ACAD9: variants seen among roughly 807,000 people sequenced by gnomAD.
ACAD9 encodes complex I assembly factor ACAD9, mitochondrial.
In ACAD9, 53 loss-of-function variants were observed where a neutral mutation model predicts 70.2. That is an observed-to-expected ratio of 0.75 (90% CI 0.61 to 0.95). ACAD9 has a LOEUF of 0.95. Among genes scored for constraint, ACAD9 ranks in the 40% least tolerant of loss-of-function variants. The probability of loss-of-function intolerance (pLI) is 0.00; values close to 1 mark genes in which losing one functional copy is unlikely to be tolerated. For missense variants in ACAD9, 777 were observed against 802.8 expected (o/e 0.97, Z 0.39); for synonymous variants, 313 against 312.1 (o/e 1.00, Z -0.03).
At position 128,908,500 on chromosome 3, in the gene ACAD9, C is replaced by T. The variant is rs907924648; in HGVS notation, c.1358+236C>T. 18 of 603,204 alleles carry T rather than the reference C, an allele frequency of 3.0e-5. No homozygotes were observed. In the African/African-American group the frequency reaches 3.1e-4, roughly 11 times the overall value. 37.4% of individuals were successfully genotyped at this position (603,204 alleles called of 1,614,324 possible). ...ACAGCTTCAGCATAAATACCGTATC[C>T]CCCATCTGGTCCCTCACACTAGAGG... On this transcript the variant is annotated intron_variant, in intron 13 of 17. Transcript: ENST00000308982.
chr3:128,898,680 G>A (rs1034992776), intron 6 of ACAD9, among the ~76,000 whole-genome samples: 15 of 151,822 alleles, frequency 9.9e-5, no homozygotes, highest in African/African-American at 2.4e-5. Flanking sequence ...GATTACAGGC[G>A]TGAGCCACTG....
Position 128,899,269 on chromosome 3 carries a change from C to CCAT in ACAD9, c.634-16_634-14dup. 6.2e-7 allele frequency: 1 copy of CCAT among 1,614,022 alleles called. No homozygotes were observed. Among genetic ancestry groups the CCAT allele is most frequent in the Middle Eastern group, 1.6e-4 (1 of 6,062 alleles). ...ATAGGGGTTTGGTTTTCTCCAAAGT[C>CCAT]CATCTTTCTGTCCTCAGGTCTGGAT... On this transcript the variant is annotated splice_polypyrimidine_tract_variant and intron_variant, in intron 6 of 17. Transcript: ENST00000308982.
In ACAD9 at chr3:128,911,399, C is replaced by T. The variant is rs529588903; in HGVS notation, c.1765+586C>T. 1.8e-4 allele frequency among the ~76,000 whole-genome samples: 28 copies of T among 152,050 alleles called. No homozygotes were observed. In the East Asian group the frequency reaches 2.0e-3, roughly 11 times the overall value. ...GATTGAGCAAGTGCAGAGCCCTTTG[C>T]GCAGGACCCCTGGCATCTGCCCAGC... On this transcript the variant is annotated intron_variant, in intron 17 of 17. Coordinates refer to ENST00000308982, the MANE Select transcript of ACAD9 (RefSeq NM_014049.5).
Position 128,910,830 on chromosome 3 carries a change from G to A in ACAD9, c.1765+17G>A. 6.2e-7 allele frequency: 1 copy of A among 1,613,906 alleles called. No homozygotes were observed. Among genetic ancestry groups the A allele is most frequent in the Non-Finnish European group, 8.5e-7 (1 of 1,179,814 alleles). ...TGGACAAGTGTGAGTGGCATGTCTTGGGGGAGGGAAGGAAGGGCCCACTTC... is the reference window on the plus strand; with the variant it reads ...TGGACAAGTGTGAGTGGCATGTCTTAGGGGAGGGAAGGAAGGGCCCACTTC... On this transcript the variant is annotated intron_variant, in intron 17 of 17. Coordinates refer to ENST00000308982, the MANE Select transcript of ACAD9 (RefSeq NM_014049.5).
Position 128,903,899 on chromosome 3 carries a change from G to A in ACAD9, c.959-163G>A, listed in dbSNP as rs66521976. Among the ~76,000 whole-genome samples, 21,745 of 152,138 alleles carry A rather than the reference G, an allele frequency of 0.14. 1,623 individuals carry two copies. The highest frequency in any genetic ancestry group is 0.16 in the Middle Eastern group (48 of 294). The stretch of plus-strand genomic sequence containing the variant: ...GAGGGGTGGTTCTCCTCTGACCCAC[G>A]GGTGCTGGCAAGTGGGGGTGCCAGC... On this transcript the variant is annotated intron_variant, in intron 9 of 17. Coordinates refer to ENST00000308982, the MANE Select transcript of ACAD9 (RefSeq NM_014049.5).
chr3:128,888,096 T>G (rs1935305998), intron 2 of ACAD9, among the ~76,000 whole-genome samples: 1 of 152,194 alleles, frequency 6.6e-6, no homozygotes, highest in South Asian at 2.1e-4. Context: ...TTTGAGTGAC[T>G]TATATGCAAA....
At chr3:128,881,077 G>A (rs1029216076) in intron 1 of ACAD9, among the ~76,000 whole-genome samples, 10 of 152,212 alleles carry the variant, frequency 6.6e-5, no homozygotes, top group Non-Finnish European at 1.5e-4. Flanking sequence ...CTCTGAGGTT[G>A]TCAGGCTGAT....
intron 2 of ACAD9, among the ~76,000 whole-genome samples, chr3:128,893,108 G>C (rs959211596): frequency 2.6e-5 from 4 of 152,006 alleles, no homozygotes; most frequent in Admixed American, 6.6e-5. Flanking sequence ...TACTTTGCGA[G>C]GCTGTGGTGG....
At position 128,902,894 on chromosome 3, in the gene ACAD9, A is replaced by G. The variant is rs1359816254; in HGVS notation, c.958+266A>G. On this transcript the variant is annotated intron_variant, in intron 9 of 17. Coordinates refer to ENST00000308982, the MANE Select transcript of ACAD9 (RefSeq NM_014049.5). The surrounding 1 kb of genome is among the most constrained non-coding windows in gnomAD (Gnocchi z 4.0). ...CTTTCTGTCTGGGGTGGGGATGGGG[A>G]TTGGGGAATGGGCTGTCTGTCTGGA... Among the ~76,000 whole-genome samples the G allele has an allele frequency of 1.3e-5, 2 of 151,406 alleles. No homozygotes were observed. The highest frequency in any genetic ancestry group is 4.9e-5 in the African/African-American group (2 of 41,174).
intron 2 of ACAD9, among the ~76,000 whole-genome samples, chr3:128,890,702 A>G (rs1935395808): frequency 6.6e-6 from 1 of 152,110 alleles, no homozygotes; most frequent in Non-Finnish European, 1.5e-5. Flanking sequence ...ACTCCATCTC[A>G]AAAGAAACTG....
At chr3:128,887,215 G>T (rs1935276002) in intron 2 of ACAD9, among the ~76,000 whole-genome samples, 1 of 152,072 alleles carries the variant, frequency 6.6e-6, no homozygotes, top group Non-Finnish European at 1.5e-5. Context: ...CACCGCACCT[G>T]TCCTGACACG....
intron 2 of ACAD9, among the ~76,000 whole-genome samples, chr3:128,886,291 T>TG (rs1332301796): frequency 1.3e-5 from 2 of 151,692 alleles, no homozygotes; most frequent in Admixed American, 1.3e-4. Context: ...TTAGTAGAGA[T>TG]GGGGTTTCAC....
intron 9 of ACAD9, 128 bp from the exon 10 acceptor site, chr3:128,903,934 A>G (rs1935815892): frequency 2.1e-6 from 2 of 966,252 alleles, no homozygotes; most frequent in Non-Finnish European, 3.2e-6. Flanking sequence ...CTTCTGGGGT[A>G]TTTGACCTCA....
chr3:128,888,347 C>T (rs186186778), intron 2 of ACAD9, among the ~76,000 whole-genome samples: 5 of 152,170 alleles, frequency 3.3e-5, no homozygotes, highest in East Asian at 1.9e-4. Context: ...GGGAGGCCGA[C>T]GTGGGTGGAT....
chr3:128,888,790 A>G (rs529106058), intron 2 of ACAD9, among the ~76,000 whole-genome samples: 3 of 152,058 alleles, frequency 2.0e-5, no homozygotes, highest in East Asian at 3.9e-4. Context: ...TAATTTAGAA[A>G]TACTTATTTC....
intron 11 of ACAD9, among the ~76,000 whole-genome samples, chr3:128,904,904 G>A (rs543664180): frequency 6.6e-6 from 1 of 152,156 alleles, no homozygotes; most frequent in Non-Finnish European, 1.5e-5. Context: ...CAGCACTTTG[G>A]GGGGCCGAGG....
intron 2 of ACAD9, among the ~76,000 whole-genome samples, chr3:128,886,656 C>G (rs546053413): frequency 8.2e-6 from 1 of 121,912 alleles, no homozygotes; most frequent in African/African-American, 4.0e-5. Context: ...TGCGGTGAGC[C>G]GAGATCGCGC....
At chr3:128,894,970 A>G (rs1935528168) in intron 3 of ACAD9, among the ~76,000 whole-genome samples, 1 of 143,380 alleles carries the variant, frequency 7.0e-6, no homozygotes, top group Non-Finnish European at 1.5e-5. Context: ...CCTGCCTCCC[A>G]AGTTCAAGTG....
intron 16 of ACAD9, 155 bp downstream of exon 16, chr3:128,910,304 A>C (rs969368235): frequency 3.3e-6 from 5 of 1,496,218 alleles, no homozygotes; most frequent in Non-Finnish European, 4.4e-6. Flanking sequence ...GCTGCTCAGG[A>C]GATGGGGCTG....
Sources: allele counts gnomAD v4.1 joint callset (sites outside exome capture counted in the v4.1 genomes callset), GRCh38; gene constraint gnomAD v4.1.1; non-coding constraint Gnocchi (gnomAD v3.1); transcripts MANE v1.5; gene names NCBI Gene and HGNC (gene_info 2026-07-23, HGNC 2026-07-21).